XRCC4: variants seen among roughly 807,000 people sequenced by gnomAD.
XRCC4 encodes the protein X-ray repair cross complementing 4.
A neutral mutation model predicts 39.1 loss-of-function variants in XRCC4; 28 were observed. That is an observed-to-expected ratio of 0.72 (90% CI 0.53 to 0.98). The LOEUF (loss-of-function observed/expected upper bound fraction) is 0.98, where lower values mean the gene tolerates loss of function less well. XRCC4 is among the 50% of genes least tolerant of loss of function. The pLI is 0.00. For synonymous variants in XRCC4, 123 were observed against 126.4 expected (o/e 0.97, Z 0.18); for missense variants, 350 against 376.4 (o/e 0.93, Z 0.58).
intron 7 of XRCC4, among the ~76,000 whole-genome samples, chr5:83,316,467 G>T (rs1755887006): frequency 6.6e-6 from 1 of 150,910 alleles, no homozygotes; most frequent in East Asian, 2.0e-4. Flanking sequence ...CATCTCACGT[G>T]CAGAGACACA....
At chr5:83,148,797 T>A (rs1748574869) in intron 3 of XRCC4, among the ~76,000 whole-genome samples, 1 of 151,338 alleles carries the variant, frequency 6.6e-6, no homozygotes, top group Non-Finnish European at 1.5e-5. Flanking sequence ...ACTTAGGACA[T>A]CAATAATGAT....
Position 83,195,809 on chromosome 5 carries a change from C to A in XRCC4, c.355C>A (p.Pro119Thr), listed in dbSNP as rs375157105. 6.5e-5 allele frequency: 105 copies of A among 1,606,266 alleles called. No homozygotes were observed. Among genetic ancestry groups the A allele is most frequent in the Non-Finnish European group, 8.1e-5 (95 of 1,175,784 alleles). ...CTTCAACCTAGAGAAAGTTGAAAAC[C>A]CAGCTGAAGTCATTAGAGAACTTAT... is the stretch of plus-strand genomic sequence containing the variant. ...GSFNLEKVEN[P>T]AEVIRELICY... The change falls in exon 4 of 8, where the codon CCA becomes ACA. Residue 119 changes from proline to threonine, a missense_variant. Transcript: ENST00000396027.
chr5:83,298,159 C>A (rs1359282678), intron 7 of XRCC4, among the ~76,000 whole-genome samples: 1 of 151,574 alleles, frequency 6.6e-6, no homozygotes, highest in African/African-American at 2.4e-5. Context: ...ATAAATTACA[C>A]ACTGTATGAA....
intron 3 of XRCC4, among the ~76,000 whole-genome samples, chr5:83,138,463 A>C (rs1268667070): frequency 6.6e-6 from 1 of 152,118 alleles, no homozygotes; most frequent in South Asian, 2.1e-4. Flanking sequence ...TAGTAGACCC[A>C]GAACTTTCAA....
At chr5:83,113,053 C>T (rs1044159092) in intron 3 of XRCC4, among the ~76,000 whole-genome samples, 1 of 152,178 alleles carries the variant, frequency 6.6e-6, no homozygotes, top group Admixed American at 6.5e-5. Context: ...TCCAAAGTCT[C>T]ATCTGAGACA....
chr5:83,310,612 G>A (rs1054701090), intron 7 of XRCC4, among the ~76,000 whole-genome samples: 4 of 152,178 alleles, frequency 2.6e-5, no homozygotes, highest in Non-Finnish European at 5.9e-5. Flanking sequence ...GGCATAATGC[G>A]ATAGGCTGAA....
chr5:83,186,620 G>T (rs1194938480), intron 3 of XRCC4, among the ~76,000 whole-genome samples: 1 of 152,022 alleles, frequency 6.6e-6, no homozygotes, highest in Non-Finnish European at 1.5e-5. Flanking sequence ...ATATTCACAG[G>T]TTCTGGAAAT....
chr5:83,279,188 T>C (rs540573703), intron 7 of XRCC4, among the ~76,000 whole-genome samples: 2 of 151,064 alleles, frequency 1.3e-5, no homozygotes, highest in East Asian at 1.9e-4. Context: ...TAGTGCTGGA[T>C]ACATATCAAT....
In XRCC4 at chr5:83,105,049, A is replaced by T. The variant is rs1746131507; in HGVS notation, c.130A>T (p.Thr44Ser). Residue 44 changes from threonine (T) to serine (S), a missense_variant, in exon 2 of 8, where the codon ACT becomes TCT. Physicochemically the swap from Thr to Ser is moderately conservative, Grantham distance 58. Coordinates refer to ENST00000396027, the MANE Select transcript of XRCC4 (RefSeq NM_003401.5). Reference sequence around the variant, plus strand: ...ACTTACTGATGGTCATTCAGCATGGACTGGGACAGGTAATACTAAAAACAA... The same window carrying T: ...ACTTACTGATGGTCATTCAGCATGGTCTGGGACAGGTAATACTAAAAACAA... ...ITLTDGHSAW[T>S]GTVSESEISQ... is the part of the protein sequence containing the mutation. 2 of 1,611,404 alleles carry T rather than the reference A, an allele frequency of 1.2e-6. No homozygotes were observed. The highest frequency in any genetic ancestry group is 2.2e-5 in the South Asian group (2 of 90,490).
intron 7 of XRCC4, among the ~76,000 whole-genome samples, chr5:83,328,994 A>T (rs1433559167): frequency 6.6e-6 from 1 of 152,062 alleles, no homozygotes; most frequent in Non-Finnish European, 1.5e-5. Flanking sequence ...CTGGACTCCA[A>T]CAACTCCTAG....
intron 2 of XRCC4, among the ~76,000 whole-genome samples, chr5:83,110,254 C>T (rs1746381312): frequency 6.6e-6 from 1 of 151,924 alleles, no homozygotes; most frequent in Non-Finnish European, 1.5e-5. Flanking sequence ...ATTTATACCC[C>T]AGGAGCCACA....
chr5:83,162,450 C>T (rs1045979595), intron 3 of XRCC4, among the ~76,000 whole-genome samples: 1 of 152,030 alleles, frequency 6.6e-6, no homozygotes, highest in African/African-American at 2.4e-5. Flanking sequence ...TTGTCAGATT[C>T]CTGTTTGAAT....
chr5:83,268,328 C>T (rs934467699), intron 7 of XRCC4, among the ~76,000 whole-genome samples: 3 of 152,072 alleles, frequency 2.0e-5, no homozygotes, highest in African/African-American at 7.2e-5. Context: ...ATCAACCTAC[C>T]ACAAAAGATG....
chr5:83,356,878 G>A (rs532949341), downstream of XRCC4: 1,538 of 310,428 alleles, frequency 5.0e-3, 33 homozygotes, highest in South Asian at 0.029. Context: ...ATAATTTTTG[G>A]CCCTTGCATC....
At chr5:83,351,075 C>A (rs529670530) in intron 7 of XRCC4, among the ~76,000 whole-genome samples, 1 of 152,156 alleles carries the variant, frequency 6.6e-6, no homozygotes, top group East Asian at 1.9e-4. Flanking sequence ...TTCCCCCTTG[C>A]CATTCTCATG....
At chr5:83,107,445 T>C (rs577772691) in intron 2 of XRCC4, among the ~76,000 whole-genome samples, 1 of 152,048 alleles carries the variant, frequency 6.6e-6, no homozygotes, top group Admixed American at 6.5e-5. Flanking sequence ...TTTTCTCTTT[T>C]TATTTGAGTG....
At chr5:83,164,149 CCT>C (rs1260334277) in intron 3 of XRCC4, among the ~76,000 whole-genome samples, 2 of 152,100 alleles carry the variant, frequency 1.3e-5, no homozygotes, top group Admixed American at 1.3e-4. Context: ...ACCCTCATGA[CCT>C]CTGCTATCTA....
At chr5:83,218,080 T>TATATATATATATATA (rs1580384251) in intron 6 of XRCC4, among the ~76,000 whole-genome samples, 2 of 129,186 alleles carry the variant, frequency 1.5e-5, no homozygotes, top group East Asian at 4.6e-4. Flanking sequence ...ATATATATAT[T>TATATATATATATATA]TATTAGATTT....
intron 7 of XRCC4, among the ~76,000 whole-genome samples, chr5:83,308,447 G>C (rs1317426272): frequency 6.6e-6 from 1 of 151,998 alleles, no homozygotes; most frequent in African/African-American, 2.4e-5. Context: ...TTTATATTTT[G>C]GGGGGAATAG....
Sources: allele counts gnomAD v4.1 joint callset (sites outside exome capture counted in the v4.1 genomes callset), GRCh38; gene constraint gnomAD v4.1.1; transcripts MANE v1.5; gene names NCBI Gene and HGNC (gene_info 2026-07-23, HGNC 2026-07-21).